The following SLC26A5 variants were observed in gnomAD, a reference collection of about 807,000 sequenced individuals.
SLC26A5 encodes the protein solute carrier family 26 member 5.
A neutral mutation model predicts 81.0 loss-of-function variants in SLC26A5; 51 were observed. The ratio of observed to expected loss-of-function variants is 0.63; its 90% CI spans 0.50 to 0.80. The LOEUF (loss-of-function observed/expected upper bound fraction) is 0.80. Among genes scored for constraint, SLC26A5 ranks in the 30% least tolerant of loss-of-function variants. SLC26A5 has a pLI of 0.00. For synonymous variants in SLC26A5, 325 were observed against 332.8 expected (o/e 0.98, Z 0.25); for missense variants, 771 against 905.8 (o/e 0.85, Z 1.91).
chr7:103,411,816 GT>G (rs1469245535), intron 5 of SLC26A5, among the ~76,000 whole-genome samples: 1 of 152,200 alleles, frequency 6.6e-6, no homozygotes, highest in Non-Finnish European at 1.5e-5. Flanking sequence ...CATCCACAGA[GT>G]CTTCTTGACA....
Position 103,388,996 on chromosome 7 carries a change from C to G in SLC26A5, c.1514+12G>C, listed in dbSNP as rs764709550. ...CCGGGACATTCACACCCATTCCAAT[C>G]TGGGCACTCACCTCTGTGTTCTGTA... On this transcript the variant is annotated intron_variant, in intron 14 of 19. Transcript: ENST00000306312. 3.8e-6 allele frequency: 6 copies of G among 1,589,808 alleles called. 1 individual carries two copies. In the Middle Eastern group the frequency reaches 6.7e-4, roughly 177 times the overall value.
intron 10 of SLC26A5, among the ~76,000 whole-genome samples, 191 bp downstream of exon 10, chr7:103,392,728 C>T (rs995956947): frequency 3.3e-5 from 5 of 152,190 alleles, no homozygotes; most frequent in African/African-American, 1.2e-4. Flanking sequence ...CAGGGGCCTG[C>T]CACCATGCCC....
chr7:103,367,820 A>C lies in SLC26A5; in HGVS notation c.2041+8988T>G, dbSNP rs774782122. ...GTCCAAATAGCACTGGTAAGTAGAA[A>C]GTTCTTGCTTATATTTGCTGGTCTG... On this transcript the variant is annotated intron_variant, in intron 19 of 19. Coordinates refer to the SLC26A5 transcript ENST00000339444. The surrounding 1 kb of genome is among the most constrained non-coding windows in gnomAD (Gnocchi z 6.1). The C allele has an allele frequency of 1.2e-6, 2 of 1,612,070 alleles. No homozygotes were observed. Among genetic ancestry groups the C allele is most frequent in the Admixed American group, 1.7e-5 (1 of 59,648 alleles).
intron 14 of SLC26A5, among the ~76,000 whole-genome samples, chr7:103,381,768 C>T (rs533570904): frequency 6.6e-6 from 1 of 151,928 alleles, no homozygotes; most frequent in Admixed American, 6.6e-5. Context: ...ATACCACACA[C>T]ACACACACAC....
chr7:103,400,171 A>G (rs113726623), intron 8 of SLC26A5, among the ~76,000 whole-genome samples: 2,205 of 150,712 alleles, frequency 0.015, 40 homozygotes, highest in Non-Finnish European at 0.023. Context: ...GGTTGAACTA[A>G]TTTACACTCC....
At chr7:103,430,599 T>TTCTGCCTGTTGTTCCAGCA (rs6150261) in intron 2 of SLC26A5, among the ~76,000 whole-genome samples, 14 of 151,676 alleles carry the variant, frequency 9.2e-5, no homozygotes, top group Admixed American at 7.9e-4. Context: ...CCAGAGAGGA[T>TTCTGCCTGTTGTTCCAGCA]GGCTTTGGAG....
At chr7:103,401,298 TTGTATTCATAGAC>T (rs1823567990) in intron 8 of SLC26A5, among the ~76,000 whole-genome samples, 2 of 152,198 alleles carry the variant, frequency 1.3e-5, no homozygotes. Flanking sequence ...CCCTTATAAG[TTGTATTCATAGAC>T]ATTTTCTTCT....
intron 4 of SLC26A5, among the ~76,000 whole-genome samples, chr7:103,419,091 C>T (rs150565697): frequency 1.6e-4 from 24 of 152,272 alleles, no homozygotes; most frequent in Non-Finnish European, 3.2e-4. Flanking sequence ...CTCTCTCTTG[C>T]CTGCCACCAT....
At chr7:103,387,054 C>T (rs1822249544) in intron 14 of SLC26A5, among the ~76,000 whole-genome samples, 3 of 152,178 alleles carry the variant, frequency 2.0e-5, no homozygotes, top group Admixed American at 2.0e-4. Flanking sequence ...AGACACCACA[C>T]CTGGCCAAAA....
At chr7:103,364,081 A>T in intron 19 of SLC26A5, 1 of 1,493,174 alleles carries the variant, frequency 6.7e-7, no homozygotes, top group Non-Finnish European at 9.1e-7. Context: ...TTGTTGATTT[A>T]GAAGTAGTCT....
intron 14 of SLC26A5, among the ~76,000 whole-genome samples, chr7:103,384,026 G>C (rs1821996150): frequency 6.6e-6 from 1 of 152,080 alleles, no homozygotes; most frequent in Non-Finnish European, 1.5e-5. Flanking sequence ...CCCATCATGG[G>C]AGGCTGAGGT....
intron 19 of SLC26A5, among the ~76,000 whole-genome samples, chr7:103,364,958 C>CATATATATATATATATATATATATATAT (rs59914167): frequency 2.9e-4 from 37 of 125,470 alleles, no homozygotes; most frequent in Non-Finnish European, 3.5e-4. Context: ...TGTAGACATA[C>CATATATATATATATATATATATATATAT]ATATATATAT....
At chr7:103,379,463 A>C in intron 15 of SLC26A5, 128 bp from the exon 16 acceptor site, 1 of 644,484 alleles carries the variant, frequency 1.6e-6, no homozygotes, top group Non-Finnish European at 2.8e-6. Flanking sequence ...GGCTTAGCTA[A>C]AATGATGTCA....
intron 2 of SLC26A5, among the ~76,000 whole-genome samples, chr7:103,423,288 A>G (rs1237328143): frequency 6.6e-6 from 1 of 152,070 alleles, no homozygotes; most frequent in Non-Finnish European, 1.5e-5. Context: ...CAACAAAACA[A>G]ATTGAAATCA....
At chr7:103,386,418 T>C (rs1375349984) in intron 14 of SLC26A5, among the ~76,000 whole-genome samples, 1 of 151,710 alleles carries the variant, frequency 6.6e-6, no homozygotes, top group Non-Finnish European at 1.5e-5. Flanking sequence ...ATAAAAAAAA[T>C]TGGCCGGGCG....
intron 8 of SLC26A5, among the ~76,000 whole-genome samples, chr7:103,403,365 T>C (rs1823762404): frequency 1.3e-5 from 2 of 152,052 alleles, no homozygotes; most frequent in East Asian, 3.9e-4. Context: ...GGGTGAAGAG[T>C]TCTGTAGATG....
intron 4 of SLC26A5, among the ~76,000 whole-genome samples, chr7:103,416,929 T>G (rs998611332): frequency 3.9e-5 from 6 of 152,150 alleles, no homozygotes; most frequent in African/African-American, 1.4e-4. Flanking sequence ...TTCTCTTAGA[T>G]CTCTATCTTT....
At chr7:103,388,342 G>A (rs150292808) in intron 14 of SLC26A5, among the ~76,000 whole-genome samples, 3,512 of 151,786 alleles carry the variant, frequency 0.023, 126 homozygotes, top group African/African-American at 0.081. Context: ...GATTACAGGT[G>A]TGTGCCACCA....
chr7:103,372,549 ATCC>A (rs1001592570), downstream of SLC26A5, among the ~76,000 whole-genome samples: 13 of 152,326 alleles, frequency 8.5e-5, 1 homozygote, highest in African/African-American at 3.1e-4. Context: ...GTTTAAAGGT[ATCC>A]TCCTCCAACC....
Sources: allele counts gnomAD v4.1 joint callset (sites outside exome capture counted in the v4.1 genomes callset), GRCh38; gene constraint gnomAD v4.1.1; non-coding constraint Gnocchi (gnomAD v3.1); transcripts MANE v1.5; gene names NCBI Gene and HGNC (gene_info 2026-07-23, HGNC 2026-07-21).